The following FRMPD4 variants were observed in gnomAD, a reference collection of about 807,000 sequenced individuals.
FRMPD4 encodes FERM and PDZ domain containing 4.
In FRMPD4, 22 loss-of-function variants were observed where a neutral mutation model predicts 94.1. That is an observed-to-expected ratio of 0.23 (90% CI 0.17 to 0.33). The LOEUF (loss-of-function observed/expected upper bound fraction) is 0.33. FRMPD4 is among the 10% of genes least tolerant of loss of function. The probability of loss-of-function intolerance (pLI) is 1.00; values close to 1 mark genes in which losing one functional copy is unlikely to be tolerated. For missense variants in FRMPD4, 1,111 were observed against 1,339.9 expected (o/e 0.83, Z 2.67); for synonymous variants, 631 against 548.6 (o/e 1.15, Z -2.10).
intron 1 of FRMPD4, among the ~76,000 whole-genome samples, chrX:12,316,527 T>C (rs971815367): frequency 1.8e-5 from 2 of 112,323 alleles, no homozygotes; most frequent in Non-Finnish European, 3.8e-5. Context: ...TGTTTGAAGA[T>C]ATAACCATCA....
intron 1 of FRMPD4, among the ~76,000 whole-genome samples, chrX:12,240,601 A>T (rs898435155): frequency 1.8e-5 from 2 of 112,240 alleles, no homozygotes; most frequent in African/African-American, 3.2e-5. Context: ...AGCTCATCAC[A>T]CTTTATTTCC....
chrX:11,891,409 G>A (rs1228193159), intron 3 of FRMPD4, among the ~76,000 whole-genome samples: 1 of 112,327 alleles, frequency 8.9e-6, no homozygotes, highest in Non-Finnish European at 1.9e-5. Flanking sequence ...AAGAATGAGG[G>A]ACAAGTGCAA....
intron 1 of FRMPD4, among the ~76,000 whole-genome samples, chrX:12,217,330 T>A (rs891261242): frequency 2.7e-5 from 3 of 111,734 alleles, no homozygotes; most frequent in Admixed American, 1.9e-4. Context: ...ATCATAAACA[T>A]GATTTGTCTT....
At chrX:11,849,409 A>G (rs951889494) in intron 1 of FRMPD4, among the ~76,000 whole-genome samples, 7 of 111,774 alleles carry the variant, frequency 6.3e-5, no homozygotes, top group African/African-American at 2.3e-4. Context: ...TTGAAAAAAT[A>G]GAAAAGTTCA....
intron 1 of FRMPD4, among the ~76,000 whole-genome samples, chrX:12,310,197 G>C (rs1479470838): frequency 9.2e-6 from 1 of 109,097 alleles, no homozygotes; most frequent in Non-Finnish European, 1.9e-5. Flanking sequence ...AGTCAAAGGG[G>C]GTTTGTTATC....
intron 3 of FRMPD4, among the ~76,000 whole-genome samples, chrX:12,062,953 A>G (rs1028123004): frequency 2.7e-5 from 3 of 112,065 alleles, no homozygotes; most frequent in Admixed American, 9.5e-5. Context: ...TTCCAGTCCA[A>G]TGTTGATTAG....
At chrX:12,424,448 G>A (rs2056922793) in intron 1 of FRMPD4, among the ~76,000 whole-genome samples, 1 of 112,371 alleles carries the variant, frequency 8.9e-6, no homozygotes, top group Admixed American at 9.4e-5. Flanking sequence ...TATTTCTCTT[G>A]GCACAAAAGA....
At chrX:12,484,914 T>C (rs1412139758) in intron 1 of FRMPD4, among the ~76,000 whole-genome samples, 2 of 112,487 alleles carry the variant, frequency 1.8e-5, no homozygotes, top group African/African-American at 3.2e-5. Flanking sequence ...ATTGAAGTGC[T>C]GTGAGGCAGG....
intron 1 of FRMPD4, among the ~76,000 whole-genome samples, chrX:12,331,713 A>T (rs1183484896): frequency 9.1e-5 from 4 of 44,124 alleles, no homozygotes; most frequent in Non-Finnish European, 1.5e-4. Context: ...TATAATATAT[A>T]ATTTATATAT....
intron 3 of FRMPD4, among the ~76,000 whole-genome samples, chrX:12,001,426 G>T (rs770449982): frequency 1.8e-5 from 2 of 112,100 alleles, no homozygotes; most frequent in South Asian, 3.7e-4. Context: ...AAGGTGATTT[G>T]TGATAGATAG....
At chrX:12,281,565 G>A (rs1256715893) in intron 1 of FRMPD4, among the ~76,000 whole-genome samples, 1 of 110,227 alleles carries the variant, frequency 9.1e-6, no homozygotes, top group Non-Finnish European at 1.9e-5. Flanking sequence ...AGTAAATGCA[G>A]GGTTTTGCCA....
At chrX:12,093,602 CA>C (rs11301557) in intron 3 of FRMPD4, among the ~76,000 whole-genome samples, 11,531 of 61,271 alleles carry the variant, frequency 0.19, 824 homozygotes, top group East Asian at 0.38. Context: ...AAAACCAAGA[CA>C]AAAAAAAAAA....
intron 2 of FRMPD4, 47 bp downstream of exon 2, chrX:12,498,843 C>T: frequency 1.5e-6 from 1 of 663,829 alleles, no homozygotes; most frequent in Non-Finnish European, 2.4e-6. Flanking sequence ...GGCCAATGGA[C>T]TTCTTTATCT....
At chrX:12,460,461 C>T (rs1169141577) in intron 1 of FRMPD4, among the ~76,000 whole-genome samples, 1 of 111,680 alleles carries the variant, frequency 9.0e-6, no homozygotes, top group Non-Finnish European at 1.9e-5. Context: ...GGGTGAGATT[C>T]ATTTTTTCCA....
At chrX:11,876,542 G>A (rs1003842501) in intron 2 of FRMPD4, among the ~76,000 whole-genome samples, 1 of 111,615 alleles carries the variant, frequency 9.0e-6, no homozygotes, top group East Asian at 2.8e-4. Flanking sequence ...AGATACCAAG[G>A]TAAAATAAGA....
intron 1 of FRMPD4, among the ~76,000 whole-genome samples, chrX:12,294,936 T>C (rs181808169): frequency 4.7e-4 from 53 of 112,078 alleles, no homozygotes; most frequent in African/African-American, 1.7e-3. Flanking sequence ...GATTCAAGTA[T>C]AAAAAAATGT....
intron 3 of FRMPD4, among the ~76,000 whole-genome samples, chrX:12,005,813 G>C (rs1436588424): frequency 1.8e-5 from 2 of 108,444 alleles, no homozygotes. Flanking sequence ...GGGTGGGCTT[G>C]TGATTCTGTT....
At chrX:12,653,599 T>C (rs1414345166) in intron 4 of FRMPD4, among the ~76,000 whole-genome samples, 1 of 111,207 alleles carries the variant, frequency 9.0e-6, no homozygotes, top group Non-Finnish European at 1.9e-5. Flanking sequence ...TGAAAACCGC[T>C]AATCAATCAA....
intron 3 of FRMPD4, among the ~76,000 whole-genome samples, chrX:12,048,086 A>G (rs1432916799): frequency 8.9e-6 from 1 of 112,866 alleles, no homozygotes; most frequent in Non-Finnish European, 1.9e-5. Flanking sequence ...ACTTCTTTTC[A>G]CAATGGCTGC....
Sources: allele counts gnomAD v4.1 joint callset (sites outside exome capture counted in the v4.1 genomes callset), GRCh38; gene constraint gnomAD v4.1.1; transcripts MANE v1.5; gene names NCBI Gene and HGNC (gene_info 2026-07-23, HGNC 2026-07-21).